NLRP6: variants seen among roughly 807,000 people sequenced by gnomAD.
NLRP6 encodes NLR family pyrin domain containing 6.
A neutral mutation model predicts 70.9 loss-of-function variants in NLRP6; 55 were observed. The observed-to-expected ratio is 0.78, with a 90% CI of 0.62 to 0.97. The LOEUF (loss-of-function observed/expected upper bound fraction) is 0.97, where lower values mean the gene tolerates loss of function less well. Among genes scored for constraint, NLRP6 ranks in the 50% least tolerant of loss-of-function variants. NLRP6 has a pLI of 0.00. For missense variants in NLRP6, 1,241 were observed against 1,238.3 expected (o/e 1.00, Z -0.03); for synonymous variants, 652 against 581.9 (o/e 1.12, Z -1.73).
rs763627614 is a variant in NLRP6 at position 281,522 on chromosome 11, G to A, written c.1788G>A (p.Gly596=). ...CPGVAPEVTE[G]AKGLEDTEEP... ...GAGTGGCACCAGAGGTGACCGAGGG[G>A]GCCAAAGGGCTCGAGGACACCGAAG... The change falls in exon 4 of 8, where the codon GGG becomes GGA. Residue 596 remains glycine, a synonymous_variant. Transcript: ENST00000534750. 1.9e-6 allele frequency: 3 copies of A among 1,608,250 alleles called. No individual in the cohort carries two copies. Among genetic ancestry groups the A allele is most frequent in the Non-Finnish European group, 2.5e-6 (3 of 1,177,260 alleles).
At position 279,621 on chromosome 11, in the gene NLRP6, G is replaced by C. The variant is rs778094601; in HGVS notation, c.310+14G>C. On this transcript the variant is annotated intron_variant, in intron 2 of 7. Transcript: ENST00000534750. Reference sequence around the variant, plus strand: ...GGCGGCTGCAGCGTGAGTTCTGCGCGGGAGGTCCCTCCTGTCTGGGCAGAG... The same window carrying C: ...GGCGGCTGCAGCGTGAGTTCTGCGCCGGAGGTCCCTCCTGTCTGGGCAGAG... 1.4e-6 allele frequency: 2 copies of C among 1,392,476 alleles called. No homozygotes were observed. The highest frequency in any genetic ancestry group is 1.9e-6 in the Non-Finnish European group (2 of 1,078,002). 86.3% of individuals were successfully genotyped at this position (1,392,476 alleles called of 1,614,324 possible).
chr11:280,691 G>T lies in NLRP6; in HGVS notation c.957G>T (p.Thr319=), dbSNP rs1210111687. ...GGLLSKALLP[T]ALLLVTTRAA... is the part of the protein sequence containing the mutation. The stretch of plus-strand genomic sequence containing the variant: ...TGCTGAGCAAGGCGCTGCTGCCCAC[G>T]GCCCTCCTGCTGGTGACCACGCGCG... Residue 319 remains threonine (T), a synonymous_variant, in exon 4 of 8, where the codon ACG becomes ACT. Transcript: ENST00000534750. 1.3e-6 allele frequency: 2 copies of T among 1,565,064 alleles called. No homozygotes were observed. Among genetic ancestry groups the T allele is most frequent in the African/African-American group, 1.4e-5 (1 of 73,224 alleles).
In NLRP6 at chr11:284,475, G is replaced by T; in HGVS notation, c.2370G>T (p.Arg790Ser). Reference protein sequence around the residue: ...AWPQCRVQTVRVQLPDPQRGL... With the variant: ...AWPQCRVQTVSVQLPDPQRGL... The stretch of plus-strand genomic sequence containing the variant: ...GCTCCTGAGGTCGGCCCTCCCACAG[G>T]GTACAGCTGCCTGACCCCCAGCGAG... The change falls in exon 7 of 8, where the codon AGG becomes AGT. Residue 790 changes from arginine to serine, a missense_variant and splice_region_variant. Transcript: ENST00000534750. The T allele has an allele frequency of 6.2e-7, 1 of 1,612,330 alleles. No individual in the cohort carries two copies. Among genetic ancestry groups the T allele is most frequent in the Non-Finnish European group, 8.5e-7 (1 of 1,179,448 alleles).
Position 280,313 on chromosome 11 carries a change from G to A in NLRP6, c.579G>A (p.Arg193=). ...NRLFRRDEEG[R]RPLTVVLQGP... is the part of the protein sequence containing the mutation. ...TCTTCCGCCGCGACGAGGAGGGCCG[G>A]CGGCCGCTGACCGTGGTGCTGCAGG... The change falls in exon 4 of 8, where the codon CGG becomes CGA. Residue 193 remains arginine, a synonymous_variant. Transcript: ENST00000534750. 1.3e-6 allele frequency: 2 copies of A among 1,498,714 alleles called. No homozygotes were observed. The highest frequency in any genetic ancestry group is 1.3e-5 in the South Asian group (1 of 77,750). The allele number at this position is 1,498,714 out of a possible 1,614,324, so 92.8% of individuals were successfully genotyped here. A position where few individuals can be genotyped will look rare whatever the true frequency, so the allele number is the denominator to read the frequency against.
rs199475792 is a variant in NLRP6, at chr11:279,056, C to G, written c.30-271C>G. On this transcript the variant is annotated intron_variant, in intron 1 of 7. Coordinates refer to ENST00000534750, the MANE Select transcript of NLRP6 (RefSeq NM_001276700.2). The stretch of plus-strand genomic sequence containing the variant: ...GGAGGTGCAGGGGAGGAAGGTGCCC[C>G]CCAGAGCTCAGATCAGCGGCGGCCA... The G allele has an allele frequency of 2.6e-4, 96 of 373,736 alleles. No individual in the cohort carries two copies. The East Asian group carries it at 3.6e-3, about 14-fold the overall frequency. 23.2% of individuals were successfully genotyped at this position (373,736 alleles called of 1,614,324 possible).
In NLRP6 at chr11:279,792, G is replaced by C. The variant is rs199475797; in HGVS notation, c.311-42G>C. ...TCGGACCCCCGTGGCGCCTTCCCCT[G>C]TTCCCGCCCTCGGCGGAACCTCACC... On this transcript the variant is annotated intron_variant, in intron 2 of 7. Transcript: ENST00000534750. The C allele has an allele frequency of 1.9e-6, 3 of 1,574,356 alleles. No homozygotes were observed. Among genetic ancestry groups the C allele is most frequent in the East Asian group, 2.4e-5 (1 of 42,534 alleles).
chr11:282,575 G>C, intron 4 of NLRP6, 130 bp from the exon 5 acceptor site: 1 of 732,946 alleles, frequency 1.4e-6, no homozygotes, highest in Non-Finnish European at 2.5e-6. Context: ...GAGTGTGAAG[G>C]GGGTGGCTCA....
rs1158490787 is a variant in NLRP6 at position 285,035 on chromosome 11, C to T, written c.2538-131C>T. The T allele has an allele frequency of 8.4e-6, 6 of 716,552 alleles. No homozygotes were observed. The East Asian group carries it at 1.3e-4, about 16-fold the overall frequency. 44.4% of individuals were successfully genotyped at this position (716,552 alleles called of 1,614,324 possible). On this transcript the variant is annotated intron_variant, in intron 7 of 7. Transcript: ENST00000534750. ...AGCCAAGCTGACAGCCCAGTCACTG[C>T]CCGCAGCCCGGCCACCCCCACGGCA...
Position 279,824 on chromosome 11 carries a change from T to C in NLRP6, c.311-10T>C. On this transcript the variant is annotated splice_polypyrimidine_tract_variant and intron_variant, in intron 2 of 7. Coordinates refer to ENST00000534750, the MANE Select transcript of NLRP6 (RefSeq NM_001276700.2). ...CCCTCGGCGGAACCTCACCCCAGTT[T>C]CCCTTCCAGGGCTCGGGCTCGGCTC... 1 of 1,583,184 alleles carries C rather than the reference T, an allele frequency of 6.3e-7. No individual in the cohort carries two copies. The highest frequency in any genetic ancestry group is 8.6e-7 in the Non-Finnish European group (1 of 1,167,910).
chr11:285,128 C>A, intron 7 of NLRP6, 38 bp from the exon 8 acceptor site: 2 of 1,556,274 alleles, frequency 1.3e-6, no homozygotes, highest in East Asian at 2.4e-5. Context: ...TGCTTTCCCC[C>A]ACCGCTGACC....
Position 281,077 on chromosome 11 carries a change from TGGCCCGCGA to T in NLRP6, c.1346_1354del (p.Ala449_Glu451del). ...GGCGACCTGCGCAATCTGTGCCGCC[TGGCCCGCGA>T]GGGCGTCCTCGGACGCAGGGCGCAG... On this transcript the variant is annotated inframe_deletion, in exon 4 of 8. Coordinates refer to ENST00000534750, the MANE Select transcript of NLRP6 (RefSeq NM_001276700.2). 1 of 1,612,692 alleles carries T rather than the reference TGGCCCGCGA, an allele frequency of 6.2e-7. No individual in the cohort carries two copies. Among genetic ancestry groups the T allele is most frequent in the Non-Finnish European group, 8.5e-7 (1 of 1,179,750 alleles).
Position 284,495 on chromosome 11 carries a change from A to G in NLRP6, c.2390A>G (p.Gln797Arg). Residue 797 changes from glutamine to arginine, a missense_variant, in exon 7 of 8, where the codon CAG becomes CGG. By Grantham distance (43) the Gln-to-Arg change is conservative (BLOSUM62 1). Coordinates refer to ENST00000534750, the MANE Select transcript of NLRP6 (RefSeq NM_001276700.2). ...QTVRVQLPDP[Q>R]RGLQYLVGML... Reference sequence around the variant, plus strand: ...CACAGGGTACAGCTGCCTGACCCCCAGCGAGGGCTCCAGTACCTGGTGGGT... The same window carrying G: ...CACAGGGTACAGCTGCCTGACCCCCGGCGAGGGCTCCAGTACCTGGTGGGT... The G allele has an allele frequency of 1.2e-6, 2 of 1,612,910 alleles. No homozygotes were observed. The highest frequency in any genetic ancestry group is 1.7e-6 in the Non-Finnish European group (2 of 1,179,800).
At position 280,088 on chromosome 11, in the gene NLRP6, CAAG is replaced by C. The variant is rs749113895; in HGVS notation, c.361_363del (p.Lys121del). The C allele has an allele frequency of 1.2e-5, 18 of 1,501,240 alleles. No individual in the cohort carries two copies. Among genetic ancestry groups the C allele is most frequent in the South Asian group, 3.9e-5 (3 of 77,444 alleles). 93.0% of individuals were successfully genotyped at this position (1,501,240 alleles called of 1,614,324 possible). ...GCTGTCTCCCGCTGCGCCCAGAGTA[CAAG>C]AAGAAGTACCGGGAGCACGTGCTGC... On this transcript the variant is annotated inframe_deletion, in exon 4 of 8. Coordinates refer to ENST00000534750, the MANE Select transcript of NLRP6 (RefSeq NM_001276700.2).
chr11:282,624 G>T, intron 4 of NLRP6, 81 bp from the exon 5 acceptor site: 2 of 1,104,244 alleles, frequency 1.8e-6, no homozygotes, highest in South Asian at 2.5e-5. Flanking sequence ...TGAGACCCCA[G>T]GACTACAGAT....
At chr11:284,143 C>A in intron 5 of NLRP6, 87 bp from the exon 6 acceptor site, 2 of 1,245,292 alleles carry the variant, frequency 1.6e-6, no homozygotes, top group Non-Finnish European at 2.3e-6. Context: ...GAACCCTGGG[C>A]CACCGGGCAG....
At chr11:279,967 G>A (rs951829565) in intron 3 of NLRP6, 95 bp downstream of exon 3, 1 of 1,416,710 alleles carries the variant, frequency 7.1e-7, no homozygotes, top group Admixed American at 2.9e-5. Flanking sequence ...GGCGTGGGCT[G>A]TGGTCCCGTA....
Position 279,478 on chromosome 11 carries a change from G to A in NLRP6, c.181G>A (p.Ala61Thr), listed in dbSNP as rs1412840003. The change falls in exon 2 of 8, where the codon GCC (alanine) becomes ACC (threonine). Residue 61 changes from alanine (A) to threonine (T), a missense_variant. Transcript: ENST00000534750. ...IPWGRLERADAVDLAEQLAQF... is the reference protein window; with the variant it reads ...IPWGRLERADTVDLAEQLAQF... ...GTGGGGGCGGCTGGAGCGCGCGGAC[G>A]CCGTGGACCTCGCGGAGCAGCTGGC... 3 of 1,429,296 alleles carry A rather than the reference G, an allele frequency of 2.1e-6. No individual in the cohort carries two copies. Among genetic ancestry groups the A allele is most frequent in the African/African-American group, 1.5e-5 (1 of 66,712 alleles). 88.5% of individuals were successfully genotyped at this position (1,429,296 alleles called of 1,614,324 possible). A position where few individuals can be genotyped will look rare whatever the true frequency, so the allele number is the denominator to read the frequency against.
chr11:281,966 A>G, intron 4 of NLRP6, 127 bp downstream of exon 4: 1 of 807,084 alleles, frequency 1.2e-6, no homozygotes, highest in Non-Finnish European at 1.9e-6. Flanking sequence ...CCAGATGGGG[A>G]GGCTTTGACC....
Position 281,485 on chromosome 11 carries a change from A to G in NLRP6, c.1751A>G (p.Gln584Arg), listed in dbSNP as rs1845477449. ...EALRWVQGQG[Q>R]GCPGVAPEVT... ...CTGCGGTGGGTGCAGGGACAGGGAC[A>G]GGGCTGCCCCGGAGTGGCACCAGAG... Residue 584 changes from glutamine to arginine, a missense_variant, in exon 4 of 8, where the codon CAG becomes CGG. Gln to Arg is a conservative substitution (Grantham distance 43, BLOSUM62 1). Coordinates refer to ENST00000534750, the MANE Select transcript of NLRP6 (RefSeq NM_001276700.2). 3.8e-6 allele frequency: 6 copies of G among 1,597,088 alleles called. No individual in the cohort carries two copies. The highest frequency in any genetic ancestry group is 4.3e-6 in the Non-Finnish European group (5 of 1,170,060).
Sources: allele counts gnomAD v4.1 joint callset, GRCh38; gene constraint gnomAD v4.1.1; transcripts MANE v1.5; gene names NCBI Gene and HGNC (gene_info 2026-07-23, HGNC 2026-07-21).